Variants in HOXA4 observed in about 807,000 individuals in gnomAD.
HOXA4 encodes homeobox A4.
In HOXA4, 31 loss-of-function variants were observed where a neutral mutation model predicts 25.3. That is an observed-to-expected ratio of 1.22 (90% confidence interval 0.92 to 1.65). HOXA4 has a LOEUF of 1.65. Ranked by LOEUF, HOXA4 falls within the 40% of genes most tolerant of loss-of-function variation. HOXA4 has a pLI of 0.00. For missense variants in HOXA4, 459 were observed against 446.0 expected (o/e 1.03, Z -0.26); for synonymous variants, 225 against 207.7 (o/e 1.08, Z -0.72).
At position 27,130,391 on chromosome 7, in the gene HOXA4, G is replaced by A; in HGVS notation, c.343C>T (p.Gln115Ter). Residue 115 changes from glutamine (Q) to a stop codon, truncating the protein, a stop_gained, in exon 1 of 2, where the codon CAG (glutamine) becomes TAG (stop). Transcript: ENST00000360046. LOFTEE classifies it high-confidence loss of function. ...GCTTGCGCCGGGGGCTGCTCGGGCT[G>A]GGGCGGCCGCCCGGGGCTGGCGCCG... ...RGGASPGRPPQPEQPPAQAKG... is the reference protein window; with the variant it reads ...RGGASPGRPP 1 of 1,156,848 alleles carries A rather than the reference G, an allele frequency of 8.6e-7. No homozygotes were observed. The allele number at this position is 1,156,848 out of a possible 1,614,324, so 71.7% of individuals were successfully genotyped here. A position where few individuals can be genotyped will look rare whatever the true frequency, so the allele number is the denominator to read the frequency against.
rs1785447174 is a variant in HOXA4, at chr7:27,129,874, C to A, written c.616+244G>T. The A allele has an allele frequency of 4.9e-6, 3 of 606,468 alleles. No homozygotes were observed. In the Admixed American group the frequency reaches 8.9e-5, roughly 18 times the overall value. The allele number at this position is 606,468 out of a possible 1,614,324, so 37.6% of individuals were successfully genotyped here. A position where few individuals can be genotyped will look rare whatever the true frequency, so the allele number is the denominator to read the frequency against. On this transcript the variant is annotated intron_variant, in intron 1 of 1. Transcript: ENST00000360046. ...ATTAAATTTATGGGGGCTATAATTA[C>A]TGCCCTAACAGTTTGGCGTCTCGTA...
chr7:27,129,273 A>G lies in HOXA4; in HGVS notation c.915T>C (p.His305=). The G allele has an allele frequency of 6.2e-7, 1 of 1,611,108 alleles. No homozygotes were observed. Among genetic ancestry groups the G allele is most frequent in the Non-Finnish European group, 8.5e-7 (1 of 1,177,540 alleles). ...TGGAGGTGCTCGGGTGGGGGTGGGG[A>G]TGGAGGTGTGGGCTCTGAGTTTGTG... is the stretch of plus-strand genomic sequence containing the variant. The part of the protein sequence containing the change: ...GKAQTQSPHL[H]PHPHPSTSTP... Residue 305 remains histidine, a synonymous_variant, in exon 2 of 2, where the codon CAT becomes CAC. Transcript: ENST00000360046.
rs751514929 is a variant in HOXA4, at chr7:27,129,297, T to C, written c.891A>G (p.Ala297=). 6.2e-7 allele frequency: 1 copy of C among 1,613,978 alleles called. No individual in the cohort carries two copies. Among genetic ancestry groups the C allele is most frequent in the African/African-American group, 1.3e-5 (1 of 74,894 alleles). The stretch of plus-strand genomic sequence containing the variant: ...GATGGAGGTGTGGGCTCTGAGTTTG[T>C]GCTTTCCCTGGTGGGCCGGCAGAGG... ...ASASAGPPGK[A]QTQSPHLHPH... is the part of the protein sequence containing the mutation. Residue 297 remains alanine (A), a synonymous_variant, in exon 2 of 2, where the codon GCA becomes GCG. Transcript: ENST00000360046.
In HOXA4 at chr7:27,130,431, G is replaced by T. The variant is rs1296421250; in HGVS notation, c.303C>A (p.Pro101=). 7.2e-5 allele frequency: 86 copies of T among 1,191,598 alleles called. No individual in the cohort carries two copies. Among genetic ancestry groups the T allele is most frequent in the Non-Finnish European group, 8.7e-5 (84 of 963,644 alleles). The allele number at this position is 1,191,598 out of a possible 1,614,324, so 73.8% of individuals were successfully genotyped here. A position where few individuals can be genotyped will look rare whatever the true frequency, so the allele number is the denominator to read the frequency against. The change falls in exon 1 of 2, where the codon CCC becomes CCA. Residue 101 remains proline, a synonymous_variant. Coordinates refer to ENST00000360046, the MANE Select transcript of HOXA4 (RefSeq NM_002141.5). ...GGCTGGCGCCGCCGCGGTAGCCATA[G>T]GGGTAGGCGGTGTCCGCGGCCCCAT... ...PAHGAADTAY[P]YGYRGGASPG...
intron 1 of HOXA4, chr7:27,129,843 A>G: frequency 3.3e-6 from 2 of 607,512 alleles, no homozygotes. Context: ...AGCCTCTGCC[A>G]GGGCAATTAA....
Position 27,128,624 on chromosome 7 carries a change from C to G in HOXA4, c.*601G>C, listed in dbSNP as rs1785382982. On this transcript the variant is annotated 3_prime_UTR_variant, in exon 2 of 2. Coordinates refer to ENST00000360046, the MANE Select transcript of HOXA4 (RefSeq NM_002141.5). The stretch of plus-strand genomic sequence containing the variant: ...AAGTCTAAATGCACTCCCCTCTCCC[C>G]AAAGACCGTGCCCCAGAAGGGGACA... The G allele has an allele frequency of 6.3e-6, 1 of 157,974 alleles. No individual in the cohort carries two copies. Among genetic ancestry groups the G allele is most frequent in the African/African-American group, 2.4e-5 (1 of 41,496 alleles). 9.8% of individuals were successfully genotyped at this position (157,974 alleles called of 1,614,324 possible).
At position 27,130,128 on chromosome 7, in the gene HOXA4, A is replaced by C; in HGVS notation, c.606T>G (p.His202Gln). ...AGCGGCGCCACGTACCGGCGCTGACATGGATCTTCTTCATCCAGGGGTACA... is the reference window on the plus strand; with the variant it reads ...AGCGGCGCCACGTACCGGCGCTGACCTGGATCTTCTTCATCCAGGGGTACA... Reference protein sequence around the residue: ...PVVYPWMKKIHVSAVNPSYNG... With the variant: ...PVVYPWMKKIQVSAVNPSYNG... The change falls in exon 1 of 2, where the codon CAT (histidine) becomes CAG (glutamine). Residue 202 changes from histidine (H) to glutamine (Q), a missense_variant. Coordinates refer to ENST00000360046, the MANE Select transcript of HOXA4 (RefSeq NM_002141.5). 1.2e-6 allele frequency: 2 copies of C among 1,601,336 alleles called. No homozygotes were observed. The highest frequency in any genetic ancestry group is 1.7e-6 in the Non-Finnish European group (2 of 1,176,330).
chr7:27,129,453 G>GC lies in HOXA4; in HGVS notation c.734dup (p.Ile246HisfsTer11). 1.9e-6 allele frequency: 3 copies of GC among 1,614,222 alleles called. No homozygotes were observed. Among genetic ancestry groups the GC allele is most frequent in the Non-Finnish European group, 2.5e-6 (3 of 1,180,034 alleles). ...AACAGAGCGTGTGGGCGATCTCGAT[G>GC]CGGCGCCGCCGGGTCAGGTATCGAT... On this transcript the variant is annotated frameshift_variant, in exon 2 of 2. Coordinates refer to ENST00000360046, the MANE Select transcript of HOXA4 (RefSeq NM_002141.5). LOFTEE classifies it high-confidence loss of function.
At position 27,130,106 on chromosome 7, in the gene HOXA4, G is replaced by T; in HGVS notation, c.616+12C>A. The T allele has an allele frequency of 6.3e-7, 1 of 1,591,214 alleles. No homozygotes were observed. Among genetic ancestry groups the T allele is most frequent in the African/African-American group, 1.3e-5 (1 of 74,566 alleles). ...GGCCCACCTCCCGCGCCTCCCAAGC[G>T]GCGCCACGTACCGGCGCTGACATGG... is the stretch of plus-strand genomic sequence containing the variant. On this transcript the variant is annotated intron_variant, in intron 1 of 1. Coordinates refer to ENST00000360046, the MANE Select transcript of HOXA4 (RefSeq NM_002141.5).
Position 27,129,418 on chromosome 7 carries a change from C to T in HOXA4, c.770G>A (p.Arg257His), listed in dbSNP as rs200302499. ...EIAHTLCLSERQVKIWFQNRR... is the reference protein window; with the variant it reads ...EIAHTLCLSEHQVKIWFQNRR... ...GTTCTGAAACCAGATCTTGACCTGGCGCTCAGACAAACAGAGCGTGTGGGC... is the reference window on the plus strand; with the variant it reads ...GTTCTGAAACCAGATCTTGACCTGGTGCTCAGACAAACAGAGCGTGTGGGC... The change falls in exon 2 of 2, where the codon CGC (arginine) becomes CAC (histidine). Residue 257 changes from arginine to histidine, a missense_variant. Coordinates refer to ENST00000360046, the MANE Select transcript of HOXA4 (RefSeq NM_002141.5). 1.0e-4 allele frequency: 161 copies of T among 1,614,004 alleles called. No individual in the cohort carries two copies. The highest frequency in any genetic ancestry group is 1.2e-4 in the Non-Finnish European group (138 of 1,180,054).
Position 27,129,566 on chromosome 7 carries a change from G to A in HOXA4, c.622C>T (p.Pro208Ser). The A allele has an allele frequency of 6.2e-7, 1 of 1,612,590 alleles. No homozygotes were observed. The highest frequency in any genetic ancestry group is 1.1e-5 in the South Asian group (1 of 91,066). ...TTAGGCTCCCCTCCGTTATAACTGG[G>A]GTTAACTGAAAACCCAGAACCCCGA... ...MKKIHVSAVN[P>S]SYNGGEPKRS... The change falls in exon 2 of 2, where the codon CCC (proline) becomes TCC (serine). Residue 208 changes from proline to serine, a missense_variant. By Grantham distance (74) the Pro-to-Ser change is moderately conservative. Transcript: ENST00000360046.
At position 27,130,245 on chromosome 7, in the gene HOXA4, G is replaced by A. The variant is rs748190372; in HGVS notation, c.489C>T (p.Thr163=). The change falls in exon 1 of 2, where the codon ACC becomes ACT. Residue 163 remains threonine (T), a synonymous_variant. Transcript: ENST00000360046. ...APRRCEAAPA[T]PGVPAGGSAP... ...CGCTGCCCCCTGCCGGGACGCCTGGGGTGGCGGGGGCCGCCTCGCAGCGCC... is the reference window on the plus strand; with the variant it reads ...CGCTGCCCCCTGCCGGGACGCCTGGAGTGGCGGGGGCCGCCTCGCAGCGCC... 8 of 1,283,256 alleles carry A rather than the reference G, an allele frequency of 6.2e-6. No individual in the cohort carries two copies. The South Asian group carries it at 1.2e-4, about 20-fold the overall frequency. The allele number at this position is 1,283,256 out of a possible 1,614,324, so 79.5% of individuals were successfully genotyped here.
chr7:27,129,191 T>G lies in HOXA4; in HGVS notation c.*34A>C. 8.2e-7 allele frequency: 1 copy of G among 1,214,916 alleles called. No homozygotes were observed. The highest frequency in any genetic ancestry group is 1.2e-6 in the Non-Finnish European group (1 of 817,114). 75.3% of individuals were successfully genotyped at this position (1,214,916 alleles called of 1,614,324 possible). ...CAGGAGAAGAGAAGAGAAAAGCAGG[T>G]AAGGGATAGAAACTGGTTAAGATCT... On this transcript the variant is annotated 3_prime_UTR_variant, in exon 2 of 2. Transcript: ENST00000360046.
rs746544823 is a variant in HOXA4 at position 27,130,746 on chromosome 7, T to A, written c.-13A>T. 1.2e-6 allele frequency: 2 copies of A among 1,601,112 alleles called. No homozygotes were observed. The highest frequency in any genetic ancestry group is 4.5e-5 in the East Asian group (2 of 44,284). On this transcript the variant is annotated 5_prime_UTR_variant, in exon 1 of 2. Transcript: ENST00000360046. ...AGCTCATGGTCATTAATTTGTGAAG[T>A]GCAAAAATACTAATTTTTCTCGCGT...
chr7:27,129,392 G>T lies in HOXA4; in HGVS notation c.796C>A (p.Arg266=), dbSNP rs1362261029. 4.3e-6 allele frequency: 7 copies of T among 1,614,040 alleles called. No homozygotes were observed. Among genetic ancestry groups the T allele is most frequent in the Non-Finnish European group, 5.9e-6 (7 of 1,180,046 alleles). ...ERQVKIWFQN[R]RMKWKKDHKL... is the part of the protein sequence containing the mutation. ...TGGTCTTTCTTCCACTTCATCCTCC[G>T]GTTCTGAAACCAGATCTTGACCTGG... The change falls in exon 2 of 2, where the codon CGG becomes AGG. Residue 266 remains arginine (R), a synonymous_variant. Transcript: ENST00000360046.
intron 1 of HOXA4, among the ~76,000 whole-genome samples, chr7:27,129,821 C>G (rs1419821923): frequency 6.6e-6 from 1 of 152,238 alleles, no homozygotes; most frequent in East Asian, 1.9e-4. Flanking sequence ...GCTTCAAAGA[C>G]ACATGGCCTG....
chr7:27,130,008 G>A lies in HOXA4; in HGVS notation c.616+110C>T. 3.1e-6 allele frequency: 4 copies of A among 1,282,496 alleles called. No homozygotes were observed. In the South Asian group the frequency reaches 3.9e-5, roughly 12 times the overall value. 79.4% of individuals were successfully genotyped at this position (1,282,496 alleles called of 1,614,324 possible). On this transcript the variant is annotated intron_variant, in intron 1 of 1. Coordinates refer to ENST00000360046, the MANE Select transcript of HOXA4 (RefSeq NM_002141.5). ...TCACCGCAGCCCGGGTCAGATGGGG[G>A]CTCCCCTCCCGAGGCCCCCTTCCCC...
rs749207738 is a variant in HOXA4 at position 27,130,630 on chromosome 7, C to T, written c.104G>A (p.Gly35Asp). 6 of 1,576,632 alleles carry T rather than the reference C, an allele frequency of 3.8e-6. No homozygotes were observed. The East Asian group carries it at 1.2e-4, about 31-fold the overall frequency. The change falls in exon 1 of 2, where the codon GGC (glycine) becomes GAC (aspartate). Residue 35 changes from glycine (G) to aspartate (D), a missense_variant. By Grantham distance (94) the Gly-to-Asp change is moderately conservative. Transcript: ENST00000360046. ...CTGGTAGCCGGGGCCCCCGCCCGGGCCGCCGTCTGCGCCGCCCGAGCCGCT... is the reference window on the plus strand; with the variant it reads ...CTGGTAGCCGGGGCCCCCGCCCGGGTCGCCGTCTGCGCCGCCCGAGCCGCT... ...QHSGSGGADG[G>D]PGGGPGYQQP...
intron 1 of HOXA4, 95 bp downstream of exon 1, chr7:27,130,023 C>T: frequency 7.2e-7 from 1 of 1,393,250 alleles, no homozygotes; most frequent in Non-Finnish European, 9.7e-7. Context: ...CCTCCCGAGG[C>T]CCCCTTCCCC....
Sources: gnomAD v4.1 joint callset for allele counts (sites outside exome capture counted in the v4.1 genomes callset) on GRCh38, gnomAD v4.1.1 for gene constraint, MANE v1.5 for transcripts, NCBI Gene and HGNC (gene_info 2026-07-23, HGNC 2026-07-21) for gene names.